Variants in CSMD1 observed in about 807,000 individuals in gnomAD.
The protein encoded by CSMD1 is CUB and Sushi multiple domains 1, also known as CUB and sushi domain-containing protein 1.
A neutral mutation model predicts 417.5 loss-of-function variants in CSMD1; 213 were observed. That is an observed-to-expected ratio of 0.51 (90% CI 0.46 to 0.57). The LOEUF (loss-of-function observed/expected upper bound fraction) is 0.57, where lower values mean the gene tolerates loss of function less well. CSMD1 is among the 20% of genes least tolerant of loss of function. CSMD1 has a pLI of 0.00. For synonymous variants in CSMD1, 2,862 were observed against 1,736.8 expected (o/e 1.65, Z -16.11); for missense variants, 6,923 against 4,529.7 (o/e 1.53, Z -15.17).
chr8:4,523,785 G>A (rs1281406511), intron 2 of CSMD1, among the ~76,000 whole-genome samples: 1 of 152,118 alleles, frequency 6.6e-6, no homozygotes, highest in East Asian at 1.9e-4. Context: ...TGTATGCAGA[G>A]CAATGTATAC....
intron 3 of CSMD1, among the ~76,000 whole-genome samples, chr8:4,183,763 C>A (rs577762550): frequency 1.3e-5 from 2 of 152,116 alleles, no homozygotes; most frequent in East Asian, 1.9e-4. Flanking sequence ...ATGAGTATTT[C>A]GTTGATGAAA....
intron 1 of CSMD1, among the ~76,000 whole-genome samples, chr8:4,911,263 C>T (rs774834307): frequency 4.6e-5 from 7 of 152,194 alleles, no homozygotes; most frequent in African/African-American, 1.7e-4. Context: ...GTCCACCAGT[C>T]GTAATTTCTG....
At chr8:4,379,701 T>G (rs974789260) in intron 3 of CSMD1, among the ~76,000 whole-genome samples, 3 of 57,378 alleles carry the variant, frequency 5.2e-5, no homozygotes, top group African/African-American at 1.3e-4. Flanking sequence ...GAAGCAACAA[T>G]GGCGGGAAGA....
Position 4,693,875 on chromosome 8 carries a change from G to A in CSMD1, c.86-56317C>T, listed in dbSNP as rs569951152. 4.1e-4 allele frequency among the ~76,000 whole-genome samples: 62 copies of A among 152,278 alleles called. No individual in the cohort carries two copies. The South Asian group carries it at 0.012, about 31-fold the overall frequency. On this transcript the variant is annotated intron_variant, in intron 1 of 69. Coordinates refer to ENST00000635120, the MANE Select transcript of CSMD1 (RefSeq NM_033225.6). The stretch of plus-strand genomic sequence containing the variant: ...TTCTTTTTAACTCTTCTATTTTCTA[G>A]GTTTTCTTTTAACACTAATATCACA...
chr8:3,197,347 C>T (rs893723801), intron 33 of CSMD1, among the ~76,000 whole-genome samples: 5 of 151,968 alleles, frequency 3.3e-5, no homozygotes, highest in African/African-American at 7.3e-5. Context: ...CCTACAACCA[C>T]GGAAGACATA....
chr8:4,860,936 A>C (rs974785752), intron 1 of CSMD1, among the ~76,000 whole-genome samples: 18 of 152,172 alleles, frequency 1.2e-4, no homozygotes, highest in African/African-American at 4.3e-4. Flanking sequence ...CTCAAACTTC[A>C]GCTCTGATAT....
At chr8:3,103,325 C>T (rs987480136) in intron 46 of CSMD1, among the ~76,000 whole-genome samples, 1 of 152,024 alleles carries the variant, frequency 6.6e-6, no homozygotes, top group African/African-American at 2.4e-5. Context: ...AAATAGCAGC[C>T]CCACCTTCAG....
intron 1 of CSMD1, among the ~76,000 whole-genome samples, chr8:4,747,230 G>T (rs533094840): frequency 1.3e-5 from 2 of 152,298 alleles, no homozygotes; most frequent in South Asian, 2.1e-4. Flanking sequence ...AATGAACACA[G>T]CATTTTATTG....
chr8:4,764,697 A>C (rs552646660), intron 1 of CSMD1, among the ~76,000 whole-genome samples: 4 of 147,170 alleles, frequency 2.7e-5, no homozygotes, highest in African/African-American at 5.0e-5. Flanking sequence ...AAAAAAAAAA[A>C]CCCATCTCTA....
chr8:4,120,483 G>C (rs972297585), intron 3 of CSMD1, among the ~76,000 whole-genome samples: 13 of 152,134 alleles, frequency 8.5e-5, no homozygotes, highest in African/African-American at 3.1e-4. Flanking sequence ...ACAAATGCTA[G>C]AAGAAGAACC....
At chr8:4,308,721 G>A (rs573995335) in intron 3 of CSMD1, among the ~76,000 whole-genome samples, 2 of 152,294 alleles carry the variant, frequency 1.3e-5, no homozygotes, top group African/African-American at 2.4e-5. Context: ...ATGATTTAGA[G>A]TAATTTATCT....
intron 3 of CSMD1, among the ~76,000 whole-genome samples, chr8:4,272,382 TCA>T (rs1211104339): frequency 4.6e-5 from 7 of 152,288 alleles, no homozygotes; most frequent in African/African-American, 1.7e-4. Context: ...ACCTGAAGTC[TCA>T]GTTTCCAAGA....
At chr8:3,771,550 T>C (rs1400234628) in intron 5 of CSMD1, among the ~76,000 whole-genome samples, 2 of 152,136 alleles carry the variant, frequency 1.3e-5, no homozygotes, top group Non-Finnish European at 2.9e-5. Context: ...AGCATCACCA[T>C]TGCAGAAACA....
chr8:4,557,126 A>G (rs917710569), intron 2 of CSMD1, among the ~76,000 whole-genome samples: 12 of 152,288 alleles, frequency 7.9e-5, no homozygotes, highest in African/African-American at 2.6e-4. Context: ...ATCCTGGGTG[A>G]TTTGTAAAGG....
chr8:4,613,611 T>C (rs1413207919), intron 2 of CSMD1, among the ~76,000 whole-genome samples: 1 of 152,150 alleles, frequency 6.6e-6, no homozygotes, highest in African/African-American at 2.4e-5. Flanking sequence ...CACCCTCTTT[T>C]TGCTAAGTGA....
intron 13 of CSMD1, among the ~76,000 whole-genome samples, chr8:3,408,835 A>G (rs1812510649): frequency 6.6e-6 from 1 of 152,082 alleles, no homozygotes; most frequent in Non-Finnish European, 1.5e-5. Context: ...AAACTGTTGG[A>G]TTTATCTCTA....
At chr8:4,425,020 C>G (rs905319746) in intron 2 of CSMD1, among the ~76,000 whole-genome samples, 19 of 151,864 alleles carry the variant, frequency 1.3e-4, no homozygotes, top group African/African-American at 4.4e-4. Flanking sequence ...ACATTAAATT[C>G]TAAAAGTAAG....
intron 25 of CSMD1, among the ~76,000 whole-genome samples, chr8:3,294,626 G>C (rs149498647): frequency 6.6e-6 from 1 of 152,200 alleles, no homozygotes; most frequent in South Asian, 2.1e-4. Flanking sequence ...AGTCATGCAC[G>C]GGATATAATC....
At chr8:3,729,369 C>T (rs1345331660) in intron 6 of CSMD1, among the ~76,000 whole-genome samples, 3 of 152,146 alleles carry the variant, frequency 2.0e-5, no homozygotes, top group African/African-American at 4.8e-5. Context: ...ACCACTCACT[C>T]GCCTTGGGCT....
Sources: allele counts gnomAD v4.1 joint callset (sites outside exome capture counted in the v4.1 genomes callset), GRCh38; gene constraint gnomAD v4.1.1; transcripts MANE v1.5; gene names NCBI Gene and HGNC (gene_info 2026-07-23, HGNC 2026-07-21).